PFKP: variants seen among roughly 807,000 people sequenced by gnomAD.
PFKP encodes the protein phosphofructokinase, platelet, also known as ATP-dependent 6-phosphofructokinase, platelet type.
PFKP carries 101 observed loss-of-function variants against 94.3 expected under a neutral mutation model. The ratio of observed to expected loss-of-function variants is 1.07; its 90% CI spans 0.91 to 1.26. The LOEUF (loss-of-function observed/expected upper bound fraction) is 1.26, where lower values mean the gene tolerates loss of function less well. Among genes scored for constraint, PFKP ranks in the 50% most tolerant of loss-of-function variants. PFKP has a pLI of 0.00. For synonymous variants in PFKP, 573 were observed against 432.6 expected, an observed-to-expected ratio of 1.32 and a Z score of -4.03; for missense variants, 1,145 against 1,103.3, an observed-to-expected ratio of 1.04 and a Z score of -0.53.
chr10:3,088,151 C>A (rs1564280469), intron 2 of PFKP, among the ~76,000 whole-genome samples: 1 of 117,974 alleles, frequency 8.5e-6, no homozygotes, highest in African/African-American at 3.3e-5. Flanking sequence ...CCCCCTCCCC[C>A]CACCCCACAA....
At chr10:3,095,954 A>AT (rs11426937) in intron 2 of PFKP, among the ~76,000 whole-genome samples, 41,687 of 152,030 alleles carry the variant, frequency 0.27, 6,150 homozygotes, top group East Asian at 0.55. Flanking sequence ...CTCCCTTTCT[A>AT]TTTTTTAATG....
intron 16 of PFKP, among the ~76,000 whole-genome samples, chr10:3,120,814 C>G (rs1429922641): frequency 6.6e-6 from 1 of 152,168 alleles, no homozygotes; most frequent in African/African-American, 2.4e-5. Flanking sequence ...CATGTGCCAC[C>G]ATTCCCGGCT....
intron 16 of PFKP, among the ~76,000 whole-genome samples, chr10:3,127,760 A>G (rs746368550): frequency 5.7e-4 from 87 of 152,098 alleles, no homozygotes; most frequent in Non-Finnish European, 1.1e-3. Context: ...TTCTCTCCCC[A>G]TCTCGGCTTC....
chr10:3,116,981 A>G, intron 14 of PFKP, 135 bp downstream of exon 14: 1 of 731,384 alleles, frequency 1.4e-6, no homozygotes, highest in Non-Finnish European at 2.5e-6. Flanking sequence ...GCAGGCAGTT[A>G]CCGGTCCTCC....
chr10:3,110,508 GC>G (rs1400051790), intron 10 of PFKP, among the ~76,000 whole-genome samples: 1 of 151,176 alleles, frequency 6.6e-6, no homozygotes, highest in Non-Finnish European at 1.5e-5. Flanking sequence ...GAGCCACCAC[GC>G]CCAGCTGTTG....
rs952889721 is a variant in PFKP at position 3,100,787 on chromosome 10, C to T, written c.265-578C>T. 21 of 584,198 alleles carry T rather than the reference C, an allele frequency of 3.6e-5. No homozygotes were observed. In the Admixed American group the frequency reaches 4.5e-4, roughly 12 times the overall value. The allele number at this position is 584,198 out of a possible 1,614,324, so 36.2% of individuals were successfully genotyped here. On this transcript the variant is annotated intron_variant, in intron 3 of 21. Coordinates refer to ENST00000381125, the MANE Select transcript of PFKP (RefSeq NM_002627.5). ...AAGTGTGACGAATCATGATCTATGT[C>T]CCCTGGAAGTTTGGATGAAAGAATT...
intron 1 of PFKP, chr10:3,068,847 T>G: frequency 4.8e-5 from 14 of 292,634 alleles, no homozygotes; most frequent in Middle Eastern, 1.8e-3. Context: ...GTTTTCCCGG[T>G]TCCTCCTGCC....
In PFKP at chr10:3,099,299, G is replaced by A. The variant is rs565751941; in HGVS notation, c.211G>A (p.Gly71Ser). Reference protein sequence around the residue: ...YEGYQGMVDGGSNIAEADWES... With the variant: ...YEGYQGMVDGSSNIAEADWES... ...GGGCTACCAGGGCATGGTGGACGGA[G>A]GCTCAAACATCGCAGAGGCCGACTG... Residue 71 changes from glycine to serine, a missense_variant, in exon 3 of 22, where the codon GGC (glycine) becomes AGC (serine). Coordinates refer to ENST00000381125, the MANE Select transcript of PFKP (RefSeq NM_002627.5). The A allele has an allele frequency of 2.5e-6, 4 of 1,614,154 alleles. No individual in the cohort carries two copies. Among genetic ancestry groups the A allele is most frequent in the East Asian group, 4.5e-5 (2 of 44,878 alleles).
chr10:3,079,513 C>T (rs957833462), intron 1 of PFKP, among the ~76,000 whole-genome samples: 6 of 152,146 alleles, frequency 3.9e-5, no homozygotes, highest in Non-Finnish European at 7.4e-5. Flanking sequence ...GGATTACAGG[C>T]GTGAGCCACC....
Position 3,100,056 on chromosome 10 carries a change from G to GTGGTGT in PFKP, c.264+704_264+705insTGGTGT, listed in dbSNP as rs376262163. 2.8e-3 allele frequency among the ~76,000 whole-genome samples: 381 copies of GTGGTGT among 137,804 alleles called. 2 individuals are homozygous for GTGGTGT. Among genetic ancestry groups the GTGGTGT allele is most frequent in the African/African-American group, 0.011 (366 of 32,332 alleles). 90.4% of individuals were successfully genotyped at this position (137,804 alleles called of 152,430 possible). ...GGTGTCCTTGTATGTGTAGGTGTGTGGTGTGTGTGTGTGTGTGTGTGTGTG... is the reference window on the plus strand; with the variant it reads ...GGTGTCCTTGTATGTGTAGGTGTGTGTGGTGTGTGTGTGTGTGTGTGTGTGTGTGTG... On this transcript the variant is annotated intron_variant, in intron 3 of 21. Coordinates refer to ENST00000381125, the MANE Select transcript of PFKP (RefSeq NM_002627.5).
rs540446294 is a variant in PFKP, at chr10:3,124,581, A to G, written c.1683+4537A>G. 2.0e-5 allele frequency among the ~76,000 whole-genome samples: 3 copies of G among 152,228 alleles called. No homozygotes were observed. In the South Asian group the frequency reaches 6.2e-4, roughly 32 times the overall value. ...TGGGGCTGAGTGTGGCCCACCGGTA[A>G]TCCAGCTGCATGCCCCCTTCCCTGC... On this transcript the variant is annotated intron_variant, in intron 16 of 21. Coordinates refer to ENST00000381125, the MANE Select transcript of PFKP (RefSeq NM_002627.5).
chr10:3,093,800 C>T (rs1276994046), intron 2 of PFKP, among the ~76,000 whole-genome samples: 10 of 152,186 alleles, frequency 6.6e-5, no homozygotes, highest in Admixed American at 1.3e-4. Flanking sequence ...CCCGCCACCA[C>T]ACCCGGCTAA....
chr10:3,105,626 T>G (rs1200135785), intron 7 of PFKP, 125 bp downstream of exon 7: 1 of 692,306 alleles, frequency 1.4e-6, no homozygotes, highest in African/African-American at 1.8e-5. Context: ...TGTCACACTT[T>G]GTATTTCACT....
chr10:3,120,863 G>A (rs1167130218), intron 16 of PFKP, among the ~76,000 whole-genome samples: 17 of 152,234 alleles, frequency 1.1e-4, no homozygotes, highest in Admixed American at 7.2e-4. Context: ...TGTGTGTCAC[G>A]CTTGGTAATT....
chr10:3,119,567 C>A (rs571208994), intron 15 of PFKP, among the ~76,000 whole-genome samples: 1 of 151,980 alleles, frequency 6.6e-6, no homozygotes, highest in Non-Finnish European at 1.5e-5. Context: ...ATTGCACCAC[C>A]TCACTCCAGC....
rs765547765 is a variant in PFKP, at chr10:3,093,638, C to CTTTTTTTTTTTTTTTTTT, written c.187-5631_187-5614dup. ...CGATAACCACAGGAACAAGCATTAT[C>CTTTTTTTTTTTTTTTTTT]TTTTTTTTTTTTTTTTTTTTTTTGA... is the stretch of plus-strand genomic sequence containing the variant. On this transcript the variant is annotated intron_variant, in intron 2 of 21. Transcript: ENST00000381125. Among the ~76,000 whole-genome samples the CTTTTTTTTTTTTTTTTTT allele has an allele frequency of 4.7e-4, 44 of 94,062 alleles. 1 individual carries two copies. The highest frequency in any genetic ancestry group is 2.0e-3 in the African/African-American group (42 of 21,256). The allele number at this position is 94,062 out of a possible 152,430, so 61.7% of individuals were successfully genotyped here.
intron 13 of PFKP, among the ~76,000 whole-genome samples, chr10:3,115,121 C>T (rs1431444195): frequency 6.6e-6 from 1 of 152,166 alleles, no homozygotes; most frequent in African/African-American, 2.4e-5. Context: ...GGCCTGAGCA[C>T]ATGGAAAGGG....
intron 15 of PFKP, 48 bp from the exon 16 acceptor site, chr10:3,119,844 C>G (rs1837221120): frequency 6.3e-7 from 1 of 1,599,442 alleles, no homozygotes; most frequent in African/African-American, 1.3e-5. Context: ...GAGACCCTCT[C>G]CTCCCCAGCT....
rs547880338 is a variant in PFKP, at chr10:3,081,977, C to CTTTTTTTTTTTTT, written c.113-391_113-379dup. 3.3e-3 allele frequency among the ~76,000 whole-genome samples: 224 copies of CTTTTTTTTTTTTT among 68,418 alleles called. 16 individuals carry two copies. Among genetic ancestry groups the CTTTTTTTTTTTTT allele is most frequent in the South Asian group, 4.6e-3 (7 of 1,506 alleles). 44.9% of individuals were successfully genotyped at this position (68,418 alleles called of 152,430 possible). A position where few individuals can be genotyped will look rare whatever the true frequency, so the allele number is the denominator to read the frequency against. On this transcript the variant is annotated intron_variant, in intron 1 of 21. Transcript: ENST00000381125. ...CTTGTTTTCTGTTGAAGCCCATTGC[C>CTTTTTTTTTTTTT]TTTTTTTTTTTTTTTTTTTTTTTTT...
Sources: allele counts gnomAD v4.1 joint callset (sites outside exome capture counted in the v4.1 genomes callset), GRCh38; gene constraint gnomAD v4.1.1; transcripts MANE v1.5; gene names NCBI Gene and HGNC (gene_info 2026-07-23, HGNC 2026-07-21).